The following NOS1 variants were observed in gnomAD, a reference collection of about 807,000 sequenced individuals.
NOS1 encodes the protein nitric oxide synthase 1.
Under a neutral mutation model 164.5 loss-of-function variants are expected in NOS1, and 51 were observed. The ratio of observed to expected loss-of-function variants is 0.31; its 90% CI spans 0.25 to 0.39. The LOEUF (loss-of-function observed/expected upper bound fraction) is 0.39. NOS1 is among the 10% of genes least tolerant of loss of function. The pLI is 1.00. For missense variants in NOS1, 1,362 were observed against 1,885.6 expected, an observed-to-expected ratio of 0.72 and a Z score of 5.14; for synonymous variants, 719 against 745.8, an observed-to-expected ratio of 0.96 and a Z score of 0.59.
intron 18 of NOS1, among the ~76,000 whole-genome samples, chr12:117,244,449 G>A (rs1870459567): frequency 6.6e-6 from 1 of 151,984 alleles, no homozygotes; most frequent in Non-Finnish European, 1.5e-5. Flanking sequence ...ATGTTGGCCA[G>A]GCTGGTTTCG....
chr12:117,229,038 C>T (rs979350210), intron 22 of NOS1, among the ~76,000 whole-genome samples: 2 of 152,216 alleles, frequency 1.3e-5, no homozygotes, highest in Non-Finnish European at 2.9e-5. Flanking sequence ...ACCTCGGCCT[C>T]CCAAAGTGCT....
At chr12:117,316,943 C>T (rs1206150661) in intron 2 of NOS1, among the ~76,000 whole-genome samples, 5 of 152,130 alleles carry the variant, frequency 3.3e-5, no homozygotes, top group East Asian at 1.9e-4. Flanking sequence ...TGCAGTGGCA[C>T]GATCTCAGCT....
chr12:117,208,670 C>G lies in NOS1; in HGVS notation c.*6639G>C. ...CAGTGAGTCTTAATCAGAACCAACA[C>G]CAAGGACACAGTGTCTTATTGAAAC... On this transcript the variant is annotated 3_prime_UTR_variant, in exon 29 of 29. Coordinates refer to ENST00000317775, the MANE Select transcript of NOS1 (RefSeq NM_000620.5). 1 of 1,099,720 alleles carries G rather than the reference C, an allele frequency of 9.1e-7. No homozygotes were observed. The highest frequency in any genetic ancestry group is 2.3e-5 in the South Asian group (1 of 43,164). 68.1% of individuals were successfully genotyped at this position (1,099,720 alleles called of 1,614,324 possible).
intron 17 of NOS1, among the ~76,000 whole-genome samples, chr12:117,250,321 C>A (rs375998235): frequency 6.7e-6 from 1 of 148,222 alleles, no homozygotes; most frequent in East Asian, 2.0e-4. Flanking sequence ...AGCATTTTGC[C>A]ATTTACTTTT....
rs536639184 is a variant in NOS1, at chr12:117,263,574, A to G, written c.2222+315T>C. Among the ~76,000 whole-genome samples the G allele has an allele frequency of 3.2e-3, 384 of 121,522 alleles. 3 individuals carry two copies. Among genetic ancestry groups the G allele is most frequent in the African/African-American group, 0.012 (367 of 30,230 alleles). 79.7% of individuals were successfully genotyped at this position (121,522 alleles called of 152,430 possible). ...TGGCAAACATGAAAATCAAGGTATT[A>G]CTATTATTATTATTATTATTATTAT... On this transcript the variant is annotated intron_variant, in intron 13 of 28. Transcript: ENST00000317775.
chr12:117,319,816 A>G (rs1485505736), intron 2 of NOS1, among the ~76,000 whole-genome samples: 3 of 152,220 alleles, frequency 2.0e-5, no homozygotes, highest in Admixed American at 6.5e-5. Flanking sequence ...GGAATGGGGT[A>G]GTTCCTACGA....
chr12:117,299,361 G>A (rs915685246), intron 3 of NOS1, among the ~76,000 whole-genome samples: 29 of 152,114 alleles, frequency 1.9e-4, no homozygotes, highest in African/African-American at 9.7e-5. Flanking sequence ...ATTGCTGGCC[G>A]GGCGCGGTGG....
chr12:117,236,525 A>G (rs937894612), intron 20 of NOS1, among the ~76,000 whole-genome samples: 1 of 152,204 alleles, frequency 6.6e-6, no homozygotes, highest in African/African-American at 2.4e-5. Context: ...CTGGCCCTCC[A>G]TGGGCAGACC....
chr12:117,281,292 C>T (rs998480709), intron 7 of NOS1, among the ~76,000 whole-genome samples: 18 of 151,844 alleles, frequency 1.2e-4, no homozygotes, highest in African/African-American at 4.3e-4. Context: ...GAGGCCGAGG[C>T]GGGTGGATCA....
In NOS1 at chr12:117,247,476, C is replaced by T. The variant is rs201533403; in HGVS notation, c.2695G>A (p.Ala899Thr). The T allele has an allele frequency of 2.3e-5, 37 of 1,612,502 alleles. No individual in the cohort carries two copies. Among genetic ancestry groups the T allele is most frequent in the East Asian group, 1.1e-4 (5 of 44,706 alleles). The change falls in exon 18 of 29, where the codon GCC (alanine) becomes ACC (threonine). Residue 899 changes from alanine to threonine, a missense_variant. Around this residue, in one of 4 missense-constraint regions of NOS1, gnomAD observed 737 missense variants for 1,030.3 expected, o/e 0.72. Coordinates refer to ENST00000317775, the MANE Select transcript of NOS1 (RefSeq NM_000620.5). ...LGSRAYPHFC[A>T]FGHAVDTLLE... ...AGGGTGTCCACAGCGTGTCCGAAGGCGCAAAAGTGAGGGTATGCTCGTGAG... is the reference window on the plus strand; with the variant it reads ...AGGGTGTCCACAGCGTGTCCGAAGGTGCAAAAGTGAGGGTATGCTCGTGAG...
chr12:117,209,076 C>A lies in NOS1; in HGVS notation c.*6233G>T. 1 of 985,278 alleles carries A rather than the reference C, an allele frequency of 1.0e-6. No individual in the cohort carries two copies. The highest frequency in any genetic ancestry group is 1.2e-6 in the Non-Finnish European group (1 of 829,928). The allele number at this position is 985,278 out of a possible 1,614,324, so 61.0% of individuals were successfully genotyped here. On this transcript the variant is annotated 3_prime_UTR_variant, in exon 29 of 29. Coordinates refer to ENST00000317775, the MANE Select transcript of NOS1 (RefSeq NM_000620.5). ...CTCCCCATGCCCCCTCCCCCGGACA[C>A]CCTCAAATCCCACTTTGGCAGCAGA...
rs1220452269 is a variant in NOS1 at position 117,226,685 on chromosome 12, T to G, written c.3702A>C (p.Arg1234Ser). ...QADELVPCFV[R>S]GAPSFHLPRN... is the part of the protein sequence containing the mutation. ...ATTTTTCTCCACTTATTACTCACCC[T>G]CTCACGAAACAGGGGACCAGTTCGT... is the stretch of plus-strand genomic sequence containing the variant. The change falls in exon 24 of 29, where the codon AGA (arginine) becomes AGC (serine). Residue 1234 changes from arginine to serine, a missense_variant and splice_region_variant. Coordinates refer to ENST00000317775, the MANE Select transcript of NOS1 (RefSeq NM_000620.5). The G allele has an allele frequency of 6.2e-7, 1 of 1,613,808 alleles. No individual in the cohort carries two copies. The highest frequency in any genetic ancestry group is 8.5e-7 in the Non-Finnish European group (1 of 1,179,732).
At chr12:117,349,010 G>A (rs1305464305) in intron 1 of NOS1, among the ~76,000 whole-genome samples, 1 of 152,210 alleles carries the variant, frequency 6.6e-6, no homozygotes, top group Non-Finnish European at 1.5e-5. Context: ...GGGAAACTAG[G>A]TCAGGGTATA....
At chr12:117,341,792 T>G (rs975420772) in intron 1 of NOS1, among the ~76,000 whole-genome samples, 1 of 152,268 alleles carries the variant, frequency 6.6e-6, no homozygotes, top group Non-Finnish European at 1.5e-5. Context: ...ATCTGTAAAG[T>G]GGGAACAATT....
chr12:117,253,856 T>C, intron 16 of NOS1, 102 bp from the exon 17 acceptor site: 1 of 754,580 alleles, frequency 1.3e-6, no homozygotes, highest in South Asian at 1.6e-5. Flanking sequence ...TTCTAGGGCC[T>C]TCTCTTGTAT....
chr12:117,248,829 C>T (rs1362250805), intron 17 of NOS1, among the ~76,000 whole-genome samples: 1 of 151,636 alleles, frequency 6.6e-6, no homozygotes, highest in Non-Finnish European at 1.5e-5. Context: ...TAAAAGTGTT[C>T]CTATTTCTCC....
chr12:117,341,988 A>G (rs192784814), intron 1 of NOS1, among the ~76,000 whole-genome samples: 12 of 152,382 alleles, frequency 7.9e-5, no homozygotes, highest in African/African-American at 2.9e-4. Context: ...ATCATGGCCA[A>G]GAGGACAGCC....
At chr12:117,326,305 G>C (rs1332761206) in intron 2 of NOS1, among the ~76,000 whole-genome samples, 1 of 151,566 alleles carries the variant, frequency 6.6e-6, no homozygotes, top group Non-Finnish European at 1.5e-5. Flanking sequence ...AGAATTGCTG[G>C]AACCCGGGAG....
intron 10 of NOS1, among the ~76,000 whole-genome samples, chr12:117,271,854 T>A (rs950274916): frequency 2.6e-5 from 4 of 152,204 alleles, no homozygotes; most frequent in African/African-American, 9.6e-5. Flanking sequence ...AATCAGACCC[T>A]CTGCCGAGAA....
Sources: allele counts gnomAD v4.1 joint callset (sites outside exome capture counted in the v4.1 genomes callset), GRCh38; gene constraint gnomAD v4.1.1; regional missense constraint gnomAD v4.1.1; transcripts MANE v1.5; gene names NCBI Gene and HGNC (gene_info 2026-07-23, HGNC 2026-07-21).